The following THEMIS variants were observed in gnomAD, a reference collection of about 807,000 sequenced individuals.
THEMIS encodes the protein protein THEMIS.
In THEMIS, 37 loss-of-function variants were observed where a neutral mutation model predicts 52.6. That is an observed-to-expected ratio of 0.70 (90% confidence interval 0.54 to 0.93). The LOEUF (loss-of-function observed/expected upper bound fraction) is 0.93. Ranked by LOEUF, THEMIS falls within the 40% of genes least tolerant of loss-of-function variation. The pLI is 0.00. For missense variants in THEMIS, 808 were observed against 763.1 expected, an observed-to-expected ratio of 1.06 and a Z score of -0.69; for synonymous variants, 292 against 272.7, an observed-to-expected ratio of 1.07 and a Z score of -0.70.
At position 127,813,455 on chromosome 6, in the gene THEMIS, T is replaced by C. The variant is rs756040135; in HGVS notation, c.1186A>G (p.Thr396Ala). Residue 396 changes from threonine (T) to alanine (A), a missense_variant, in exon 4 of 6, where the codon ACG (threonine) becomes GCG (alanine). Transcript: ENST00000368248. ...ATTCCCTCACAGAGGACTTCAGTCG[T>C]CTCTGACTGATGCACCAGAAACTGG... Reference protein sequence around the residue: ...GDQFLVHQSETTEVLCEGIKK... With the variant: ...GDQFLVHQSEATEVLCEGIKK... The C allele has an allele frequency of 5.0e-6, 8 of 1,614,046 alleles. No individual in the cohort carries two copies. In the South Asian group the frequency reaches 8.8e-5, roughly 18 times the overall value.
chr6:127,898,692 C>T (rs924653885), intron 1 of THEMIS, among the ~76,000 whole-genome samples: 2 of 151,822 alleles, frequency 1.3e-5, no homozygotes. Context: ...CAGATACCTG[C>T]ATTCACATGT....
intron 4 of THEMIS, among the ~76,000 whole-genome samples, chr6:127,764,278 T>G (rs1053508607): frequency 6.6e-6 from 1 of 151,962 alleles, no homozygotes. Context: ...TTGCCAAAAT[T>G]TAGCTTCTCT....
chr6:127,842,225 T>C lies in THEMIS; in HGVS notation c.251-12291A>G, dbSNP rs1889244. On this transcript the variant is annotated intron_variant, in intron 2 of 5. Transcript: ENST00000368248. ...ATCAGCTACAATAATAAAATAAAGATGAAAGATTGATCATTTCAATAGTAG... is the reference window on the plus strand; with the variant it reads ...ATCAGCTACAATAATAAAATAAAGACGAAAGATTGATCATTTCAATAGTAG... Among the ~76,000 whole-genome samples the C allele has an allele frequency of 4.9e-3, 750 of 152,154 alleles. 5 individuals carry two copies. Among genetic ancestry groups the C allele is most frequent in the African/African-American group, 0.017 (719 of 41,546 alleles).
chr6:127,802,129 A>G (rs201580977), intron 4 of THEMIS, among the ~76,000 whole-genome samples: 1 of 152,184 alleles, frequency 6.6e-6, no homozygotes, highest in East Asian at 1.9e-4. Flanking sequence ...GCAAGTTGGA[A>G]ATGCCTGATC....
intron 1 of THEMIS, among the ~76,000 whole-genome samples, chr6:127,855,897 G>A (rs1381533574): frequency 6.6e-6 from 1 of 151,906 alleles, no homozygotes; most frequent in African/African-American, 2.4e-5. Flanking sequence ...TGGAAGGACA[G>A]TGAGGAGTAA....
intron 1 of THEMIS, among the ~76,000 whole-genome samples, chr6:127,875,306 T>C (rs535155361): frequency 6.6e-6 from 1 of 152,232 alleles, no homozygotes; most frequent in African/African-American, 2.4e-5. Flanking sequence ...TGTGTGCAAC[T>C]TTTGACACCA....
chr6:127,902,429 T>C (rs1032806791), upstream of THEMIS, among the ~76,000 whole-genome samples: 1 of 151,868 alleles, frequency 6.6e-6, no homozygotes, highest in African/African-American at 2.4e-5. Context: ...CAGGCACTTA[T>C]CTATTAACTG....
chr6:127,863,813 G>A (rs1779886138), intron 1 of THEMIS, among the ~76,000 whole-genome samples: 1 of 152,184 alleles, frequency 6.6e-6, no homozygotes, highest in Non-Finnish European at 1.5e-5. Flanking sequence ...ATCTTTGTGT[G>A]AGGAATAACC....
chr6:127,784,022 G>A (rs1776838324), intron 4 of THEMIS, among the ~76,000 whole-genome samples: 1 of 152,190 alleles, frequency 6.6e-6, no homozygotes, highest in South Asian at 2.1e-4. Context: ...TAAAGAAAAT[G>A]TGGCACATAT....
At chr6:127,786,415 A>G (rs1776950529) in intron 4 of THEMIS, among the ~76,000 whole-genome samples, 1 of 152,226 alleles carries the variant, frequency 6.6e-6, no homozygotes, top group African/African-American at 2.4e-5. Flanking sequence ...CAGAAAAATA[A>G]AAAGTGAGCA....
intron 1 of THEMIS, among the ~76,000 whole-genome samples, chr6:127,885,157 C>CA (rs1471044591): frequency 6.6e-6 from 1 of 152,060 alleles, no homozygotes; most frequent in Non-Finnish European, 1.5e-5. Context: ...ATTAGAAATT[C>CA]AAAATCCTCA....
At chr6:127,815,241 CAT>C (rs1262143741) in intron 3 of THEMIS, among the ~76,000 whole-genome samples, 16 of 152,074 alleles carry the variant, frequency 1.1e-4, no homozygotes, top group Admixed American at 2.0e-4. Flanking sequence ...AATTTACTAA[CAT>C]AAATTTTATA....
At chr6:127,829,995 A>T in intron 2 of THEMIS, 61 bp from the exon 3 acceptor site, 1 of 1,273,986 alleles carries the variant, frequency 7.8e-7, no homozygotes, top group Non-Finnish European at 1.1e-6. Flanking sequence ...CTCACAAGAA[A>T]ATCACAAGGA....
chr6:127,756,210 G>T (rs59993660), intron 4 of THEMIS, among the ~76,000 whole-genome samples: 1 of 151,988 alleles, frequency 6.6e-6, no homozygotes, highest in African/African-American at 2.4e-5. Flanking sequence ...AGGTAAAAAC[G>T]GTAGAACACA....
chr6:127,698,449 C>A, the THEMIS span, among the ~76,000 whole-genome samples: 15 of 152,004 alleles, frequency 9.9e-5, no homozygotes, highest in Non-Finnish European at 1.9e-4. Context: ...GGAGAATATG[C>A]CCTCTTTCGT....
intron 2 of THEMIS, among the ~76,000 whole-genome samples, chr6:127,851,848 A>G (rs1196846633): frequency 6.6e-6 from 1 of 151,726 alleles, no homozygotes; most frequent in African/African-American, 2.4e-5. Context: ...GTATTTACCC[A>G]AAGGAGTTGA....
Position 127,745,178 on chromosome 6 carries a change from C to T in THEMIS, c.1759-25355G>A, listed in dbSNP as rs142114016. 4.1e-3 allele frequency among the ~76,000 whole-genome samples: 621 copies of T among 151,916 alleles called. 1 individual carries two copies. Among genetic ancestry groups the T allele is most frequent in the Non-Finnish European group, 6.5e-3 (440 of 67,782 alleles). On this transcript the variant is annotated intron_variant, in intron 4 of 5. Coordinates refer to ENST00000368248, the MANE Select transcript of THEMIS (RefSeq NM_001010923.3). Reference sequence around the variant, plus strand: ...ACTTTGAGGACCTTAAATTATTTCCCAACCCTTATGGAAAGCATTTTGAAA... The same window carrying T: ...ACTTTGAGGACCTTAAATTATTTCCTAACCCTTATGGAAAGCATTTTGAAA...
intron 1 of THEMIS, among the ~76,000 whole-genome samples, chr6:127,907,797 T>C (rs997635919): frequency 1.3e-5 from 2 of 151,506 alleles, no homozygotes; most frequent in Admixed American, 6.6e-5. Flanking sequence ...TTGATCACCA[T>C]TCTCTTCTGT....
rs542102096 is a variant in THEMIS at position 127,824,654 on chromosome 6, T to TA, written c.709+4821dup. Among the ~76,000 whole-genome samples the TA allele has an allele frequency of 3.7e-3, 568 of 152,198 alleles. 13 individuals carry two copies. The highest frequency in any genetic ancestry group is 5.7e-4 in the Non-Finnish European group (39 of 68,002). ...ATTTTGCAGTGAACGCTTGAAAACT[T>TA]AAAAAAACTATCTAAAATATTTTTG... On this transcript the variant is annotated intron_variant, in intron 3 of 5. Transcript: ENST00000368248.
Sources: allele counts gnomAD v4.1 joint callset (sites outside exome capture counted in the v4.1 genomes callset), GRCh38; gene constraint gnomAD v4.1.1; transcripts MANE v1.5; gene names NCBI Gene and HGNC (gene_info 2026-07-23, HGNC 2026-07-21).